Variants in SGSM3 observed in about 807,000 individuals in gnomAD.
The protein encoded by SGSM3 is small G protein signaling modulator 3.
SGSM3 carries 96 observed loss-of-function variants against 100.5 expected under a neutral mutation model. The ratio of observed to expected loss-of-function variants is 0.96; its 90% CI spans 0.81 to 1.13. The LOEUF is 1.13. SGSM3 is among the 50% of genes most tolerant of loss of function. The pLI, the probability that SGSM3 is intolerant of heterozygous loss-of-function variation, is 0.00. For synonymous variants in SGSM3, 483 were observed against 422.8 expected (o/e 1.14, Z -1.75); for missense variants, 1,001 against 1,015.8 (o/e 0.99, Z 0.20).
In SGSM3 at chr22:40,407,983, T is replaced by C; in HGVS notation, c.1580-88T>C. On this transcript the variant is annotated intron_variant, in intron 14 of 21. Transcript: ENST00000248929. This position sits in a 1 kb window ranked among gnomAD's most constrained non-coding sequence, Gnocchi z 4.7. ...AGGTCCCTGAAGCAGCTGAGCCGGC[T>C]TCCCACTGCCTCAGCCTGCCTGCAG... is the stretch of plus-strand genomic sequence containing the variant. The C allele has an allele frequency of 6.7e-7, 1 of 1,499,044 alleles. No homozygotes were observed. The highest frequency in any genetic ancestry group is 9.1e-7 in the Non-Finnish European group (1 of 1,093,020). The allele number at this position is 1,499,044 out of a possible 1,614,324, so 92.9% of individuals were successfully genotyped here. A position where few individuals can be genotyped will look rare whatever the true frequency, so the allele number is the denominator to read the frequency against.
chr22:40,381,968 A>ATT (rs371690357), intron 1 of SGSM3, among the ~76,000 whole-genome samples: 3 of 152,258 alleles, frequency 2.0e-5, no homozygotes, highest in African/African-American at 7.2e-5. Flanking sequence ...TCAAATAATA[A>ATT]TTCTTATTTT....
intron 20 of SGSM3, 32 bp from the exon 21 acceptor site, chr22:40,409,433 C>G: frequency 6.4e-7 from 1 of 1,566,706 alleles, no homozygotes; most frequent in Non-Finnish European, 8.7e-7. Flanking sequence ...CTGGGGGTGA[C>G]AAGAGCCTTA....
chr22:40,401,404 C>A (rs528571289), intron 2 of SGSM3, among the ~76,000 whole-genome samples, 189 bp from the exon 3 acceptor site: 1 of 152,174 alleles, frequency 6.6e-6, no homozygotes, highest in Non-Finnish European at 1.5e-5. Flanking sequence ...TGTGCCACCA[C>A]GCCCAGCTAA....
chr22:40,402,224 T>A lies in SGSM3; in HGVS notation c.157+19T>A. On this transcript the variant is annotated intron_variant, in intron 4 of 21. Transcript: ENST00000248929. ...AAGGAAGGTAAACTTGAGCCCCTTT[T>A]GTGTGTCATCTTGCTGATGTTCTTT... The A allele has an allele frequency of 6.3e-7, 1 of 1,598,184 alleles. No individual in the cohort carries two copies. The highest frequency in any genetic ancestry group is 2.2e-5 in the East Asian group (1 of 44,816).
chr22:40,371,572 A>G (rs1047275301), intron 1 of SGSM3, among the ~76,000 whole-genome samples: 8 of 152,284 alleles, frequency 5.3e-5, no homozygotes, highest in Non-Finnish European at 7.4e-5. Flanking sequence ...TTATAGGTAC[A>G]TATGTTTCCC....
At chr22:40,402,036 G>C (rs916450662) in intron 3 of SGSM3, 103 bp from the exon 4 acceptor site, 10 of 872,416 alleles carry the variant, frequency 1.1e-5, no homozygotes, top group Non-Finnish European at 1.7e-5. Context: ...GAGCCCGAAG[G>C]CTGGGTGGGA....
rs2048666230 is a variant in SGSM3, at chr22:40,387,491, C to T, written c.-111-13205C>T. On this transcript the variant is annotated intron_variant, in intron 1 of 21. Transcript: ENST00000248929. The stretch of plus-strand genomic sequence containing the variant: ...TATTTATGATCTCCTCTTAGGTGCC[C>T]TAATCTCCTATGTTAATATAAAACT... 5 of 315,124 alleles carry T rather than the reference C, an allele frequency of 1.6e-5. No individual in the cohort carries two copies. The Admixed American group carries it at 2.0e-4, about 12-fold the overall frequency. The allele number at this position is 315,124 out of a possible 1,614,324, so 19.5% of individuals were successfully genotyped here.
chr22:40,405,094 G>A (rs533939848), intron 6 of SGSM3, 47 bp from the exon 7 acceptor site: 9 of 1,465,142 alleles, frequency 6.1e-6, no homozygotes, highest in Middle Eastern at 1.8e-4. Context: ...TCCCTCCCAG[G>A]GTGTCACAAG....
intron 1 of SGSM3, among the ~76,000 whole-genome samples, chr22:40,392,305 T>C (rs1456602814): frequency 1.3e-5 from 2 of 148,678 alleles, no homozygotes; most frequent in Admixed American, 6.7e-5. Flanking sequence ...ATTACAGGCT[T>C]TTTTTTTTTT....
At chr22:40,384,831 A>T (rs1257308365) in intron 1 of SGSM3, among the ~76,000 whole-genome samples, 1 of 152,240 alleles carries the variant, frequency 6.6e-6, no homozygotes, top group African/African-American at 2.4e-5. Context: ...AGTCAAATGA[A>T]GCTATCCAAC....
At chr22:40,377,952 A>T (rs2046922228) in intron 1 of SGSM3, among the ~76,000 whole-genome samples, 1 of 152,224 alleles carries the variant, frequency 6.6e-6, no homozygotes, top group Non-Finnish European at 1.5e-5. Flanking sequence ...TATGTAGAAT[A>T]CAAAGTACCC....
chr22:40,387,215 A>G (rs2048617708), intron 1 of SGSM3: 1 of 398,544 alleles, frequency 2.5e-6, no homozygotes, highest in Non-Finnish European at 4.4e-6. Context: ...TCCTTCTTTC[A>G]TAGGTTTCCT....
intron 7 of SGSM3, 129 bp downstream of exon 7, chr22:40,405,413 C>T: frequency 2.0e-6 from 2 of 991,668 alleles, no homozygotes; most frequent in Admixed American, 3.1e-5. Context: ...GGAGTGGCCT[C>T]CCACTCCGGG....
intron 3 of SGSM3, 30 bp from the exon 4 acceptor site, chr22:40,402,109 C>G (rs374040452): frequency 1.3e-4 from 211 of 1,577,072 alleles, no homozygotes; most frequent in Non-Finnish European, 1.8e-4. Flanking sequence ...AGGGGACAGG[C>G]AACTGACTTC....
intron 4 of SGSM3, among the ~76,000 whole-genome samples, chr22:40,403,492 G>C (rs2051022523): frequency 6.6e-6 from 1 of 152,202 alleles, no homozygotes; most frequent in Non-Finnish European, 1.5e-5. Context: ...AAACAAGCAT[G>C]TAATATTCTG....
chr22:40,376,839 A>C (rs2046716632), intron 1 of SGSM3, among the ~76,000 whole-genome samples: 1 of 152,200 alleles, frequency 6.6e-6, no homozygotes, highest in Non-Finnish European at 1.5e-5. Flanking sequence ...GATTAAATAA[A>C]ATCTATATAA....
intron 1 of SGSM3, among the ~76,000 whole-genome samples, chr22:40,389,609 A>G (rs1030296446): frequency 3.2e-4 from 39 of 121,836 alleles, no homozygotes; most frequent in African/African-American, 1.2e-3. Flanking sequence ...AGAAAAAAAA[A>G]AAAAAAAAAA....
In SGSM3 at chr22:40,370,662, T is replaced by C. The variant is rs1488284536; in HGVS notation, c.-138T>C. 1 of 152,330 alleles carries C rather than the reference T, an allele frequency of 6.6e-6. No homozygotes were observed. The allele number at this position is 152,330 out of a possible 1,614,324, so 9.4% of individuals were successfully genotyped here. ...GGGGAAGCTGCTAACCCGACCCGGA[T>C]TGGCGCTGAGGTGGCCCGTGGGGCA... On this transcript the variant is annotated 5_prime_UTR_variant, in exon 1 of 22. Transcript: ENST00000248929.
In SGSM3 at chr22:40,405,203, C is replaced by T. The variant is rs150525363; in HGVS notation, c.537C>T (p.Ile179=). 4.5e-4 allele frequency: 715 copies of T among 1,589,130 alleles called. 8 individuals carry two copies. In the East Asian group the frequency reaches 0.015, roughly 33 times the overall value. The change falls in exon 7 of 22, where the codon ATC becomes ATT. Residue 179 remains isoleucine, a synonymous_variant. Transcript: ENST00000248929. The part of the protein sequence containing the change: ...SNACFASMGS[I]GVPRLRRVLR... ...CCTGCTTCGCCAGCATGGGTAGCAT[C>T]GGGGTGCCCCGCCTGCGCAGGGTGC...
Sources: allele counts gnomAD v4.1 joint callset (sites outside exome capture counted in the v4.1 genomes callset), GRCh38; gene constraint gnomAD v4.1.1; non-coding constraint Gnocchi (gnomAD v3.1); transcripts MANE v1.5; gene names NCBI Gene and HGNC (gene_info 2026-07-23, HGNC 2026-07-21).